Variants in DLG2 observed in about 807,000 individuals in gnomAD.
DLG2 encodes discs large MAGUK scaffold protein 2.
Under a neutral mutation model 132.5 loss-of-function variants are expected in DLG2, and 45 were observed. The observed-to-expected ratio is 0.34, with a 90% CI of 0.27 to 0.44. DLG2 has a LOEUF of 0.44. Among genes scored for constraint, DLG2 ranks in the 20% least tolerant of loss-of-function variants. The pLI, the probability that DLG2 is intolerant of heterozygous loss-of-function variation, is 1.00. For synonymous variants in DLG2, 424 were observed against 419.6 expected, an observed-to-expected ratio of 1.01 and a Z score of -0.13; for missense variants, 1,045 against 1,196.9, an observed-to-expected ratio of 0.87 and a Z score of 1.87.
chr11:84,805,247 C>G (rs2075857857), intron 6 of DLG2, among the ~76,000 whole-genome samples: 1 of 152,092 alleles, frequency 6.6e-6, no homozygotes, highest in Non-Finnish European at 1.5e-5. Context: ...TCAACAGAGA[C>G]AGCATGGGAA....
intron 16 of DLG2, among the ~76,000 whole-genome samples, chr11:83,859,746 T>A (rs1411040335): frequency 6.6e-6 from 1 of 152,110 alleles, no homozygotes; most frequent in East Asian, 1.9e-4. Context: ...GTGGAAAATG[T>A]CTCCAGGGCA....
chr11:84,881,780 G>T (rs1354530816), intron 6 of DLG2, among the ~76,000 whole-genome samples: 1 of 152,056 alleles, frequency 6.6e-6, no homozygotes, highest in Non-Finnish European at 1.5e-5. Context: ...AAGGCAGATG[G>T]TAAAGTAATA....
chr11:84,213,039 T>A (rs2096778332), intron 8 of DLG2, among the ~76,000 whole-genome samples: 1 of 152,186 alleles, frequency 6.6e-6, no homozygotes. Flanking sequence ...AGCCACACTG[T>A]TATTATTCTT....
chr11:84,526,535 T>C (rs1370346605), intron 7 of DLG2, among the ~76,000 whole-genome samples: 1 of 152,154 alleles, frequency 6.6e-6, no homozygotes, highest in Admixed American at 6.5e-5. Flanking sequence ...AGGTCAACTA[T>C]GACCTGAAAA....
chr11:84,591,005 C>T (rs2099541359), intron 6 of DLG2, among the ~76,000 whole-genome samples: 1 of 152,112 alleles, frequency 6.6e-6, no homozygotes, highest in Non-Finnish European at 1.5e-5. Context: ...ATTTCTCTCA[C>T]AATAGAGTCC....
Position 84,194,645 on chromosome 11 carries a change from A to AT in DLG2, c.574-31135_574-31134insA, listed in dbSNP as rs373666198. Among the ~76,000 whole-genome samples the AT allele has an allele frequency of 2.8e-3, 427 of 152,334 alleles. 1 individual carries two copies. The highest frequency in any genetic ancestry group is 9.6e-3 in the African/African-American group (401 of 41,578). ...CATTTACAATCCCTGAGCTAGACAC[A>AT]GAGTGCTGATTGGTGTATTTACAAA... On this transcript the variant is annotated intron_variant, in intron 8 of 27. Transcript: ENST00000376104.
chr11:83,688,650 A>G (rs562686765), intron 18 of DLG2, among the ~76,000 whole-genome samples: 60 of 152,312 alleles, frequency 3.9e-4, no homozygotes, highest in African/African-American at 1.4e-3. Flanking sequence ...TATAAACATA[A>G]GTATATATAG....
intron 6 of DLG2, among the ~76,000 whole-genome samples, chr11:84,697,622 CT>C (rs1267019880): frequency 6.6e-6 from 1 of 151,470 alleles, no homozygotes; most frequent in Non-Finnish European, 1.5e-5. Flanking sequence ...TATTATCTCA[CT>C]TAATTATCAC....
chr11:83,976,546 A>C (rs978736559), intron 12 of DLG2, among the ~76,000 whole-genome samples: 3 of 151,852 alleles, frequency 2.0e-5, no homozygotes, highest in Admixed American at 2.0e-4. Context: ...AGCATTAATA[A>C]ATATTTTTGG....
intron 7 of DLG2, among the ~76,000 whole-genome samples, chr11:84,267,608 G>A (rs899361651): frequency 2.0e-5 from 3 of 152,178 alleles, no homozygotes; most frequent in African/African-American, 7.2e-5. Context: ...GCACAGCAGG[G>A]CAGGCCGTCT....
At chr11:83,798,929 G>C (rs971447986) in intron 17 of DLG2, among the ~76,000 whole-genome samples, 4 of 152,174 alleles carry the variant, frequency 2.6e-5, no homozygotes, top group African/African-American at 9.7e-5. Context: ...GCCAGCTAAG[G>C]AGCTGCTCTG....
intron 7 of DLG2, among the ~76,000 whole-genome samples, chr11:84,522,374 C>T (rs544272977): frequency 1.2e-4 from 18 of 152,086 alleles, no homozygotes; most frequent in Admixed American, 9.2e-4. Flanking sequence ...GCTTAATGGG[C>T]CTTAAGGTCA....
intron 18 of DLG2, among the ~76,000 whole-genome samples, chr11:83,697,502 A>T (rs1293978149): frequency 6.6e-6 from 1 of 152,172 alleles, no homozygotes; most frequent in Admixed American, 6.5e-5. Flanking sequence ...GGTTGACCAC[A>T]CTTAGTTCTT....
chr11:83,930,488 T>G lies in DLG2; in HGVS notation c.1341-5A>C. On this transcript the variant is annotated splice_polypyrimidine_tract_variant and splice_region_variant and intron_variant, in intron 14 of 27. Transcript: ENST00000376104. ...CTGTAAACAGGTTCCGGAGGCCTGGTGATACAAGAGGAAGAGAAAGATATG... is the reference window on the plus strand; with the variant it reads ...CTGTAAACAGGTTCCGGAGGCCTGGGGATACAAGAGGAAGAGAAAGATATG... The G allele has an allele frequency of 6.2e-7, 1 of 1,613,518 alleles. No homozygotes were observed.
At chr11:85,439,563 G>A (rs1320888601) in intron 3 of DLG2, among the ~76,000 whole-genome samples, 1 of 151,976 alleles carries the variant, frequency 6.6e-6, no homozygotes, top group Admixed American at 6.6e-5. Flanking sequence ...GTTTCACCAT[G>A]TTAGCCAGGA....
chr11:83,940,978 G>C (rs534474333), intron 14 of DLG2, among the ~76,000 whole-genome samples: 2 of 152,296 alleles, frequency 1.3e-5, no homozygotes, highest in African/African-American at 4.8e-5. Flanking sequence ...CATCTCTCTT[G>C]TCATGTCTGT....
intron 6 of DLG2, among the ~76,000 whole-genome samples, chr11:84,848,647 A>G (rs1343649914): frequency 6.6e-6 from 1 of 152,152 alleles, no homozygotes; most frequent in Admixed American, 6.6e-5. Context: ...TCCCTGGTTC[A>G]TAGTTCTATA....
At chr11:84,301,439 C>T (rs538718399) in intron 7 of DLG2, among the ~76,000 whole-genome samples, 50 of 151,910 alleles carry the variant, frequency 3.3e-4, no homozygotes, top group South Asian at 2.1e-4. Flanking sequence ...GGGTGGATCA[C>T]GAAGTCAGGA....
intron 15 of DLG2, among the ~76,000 whole-genome samples, chr11:83,902,001 T>C (rs895830821): frequency 6.6e-6 from 1 of 151,510 alleles, no homozygotes; most frequent in Non-Finnish European, 1.5e-5. Flanking sequence ...CATTATTAAC[T>C]ACTTTTCCAC....
Sources: gnomAD v4.1 joint callset for allele counts (sites outside exome capture counted in the v4.1 genomes callset) on GRCh38, gnomAD v4.1.1 for gene constraint, MANE v1.5 for transcripts, NCBI Gene and HGNC (gene_info 2026-07-23, HGNC 2026-07-21) for gene names.